ENOX2: variants seen among roughly 807,000 people sequenced by gnomAD.
ENOX2 encodes the protein ecto-NOX disulfide-thiol exchanger 2.
ENOX2 carries 36 observed loss-of-function variants against 45.0 expected under a neutral mutation model. The observed-to-expected ratio is 0.80, with a 90% CI of 0.61 to 1.06. The LOEUF (loss-of-function observed/expected upper bound fraction) is 1.06. Among genes scored for constraint, ENOX2 ranks in the 50% least tolerant of loss-of-function variants. The pLI, the probability that ENOX2 is intolerant of heterozygous loss-of-function variation, is 0.00. For synonymous variants in ENOX2, 174 were observed against 152.3 expected, an observed-to-expected ratio of 1.14 and a Z score of -1.05; for missense variants, 423 against 462.5, an observed-to-expected ratio of 0.91 and a Z score of 0.78.
intron 3 of ENOX2, among the ~76,000 whole-genome samples, chrX:130,714,311 C>T (rs1248312132): frequency 1.8e-5 from 2 of 112,044 alleles, no homozygotes; most frequent in Admixed American, 9.5e-5. Context: ...CGTTTACTCA[C>T]CATGTAGCAA....
chrX:130,872,278 TA>T lies in ENOX2; in HGVS notation c.-183+29405del, dbSNP rs199846823. Among the ~76,000 whole-genome samples the T allele has an allele frequency of 3.3e-4, 37 of 112,775 alleles. No individual in the cohort carries two copies. In the East Asian group the frequency reaches 9.5e-3, roughly 29 times the overall value. ...CTATAGGAACTTATTTAAGGTTGCT[TA>T]AAAAATTCTCATGGATGAAACAGTA... On this transcript the variant is annotated intron_variant, in intron 2 of 14. Coordinates refer to ENST00000394363, the MANE Select transcript of ENOX2 (RefSeq NM_006375.4).
intron 2 of ENOX2, among the ~76,000 whole-genome samples, chrX:130,834,189 A>G (rs2148490943): frequency 9.0e-6 from 1 of 111,446 alleles, no homozygotes; most frequent in Non-Finnish European, 1.9e-5. Context: ...AAGTTTCTAT[A>G]CTACTCCTAG....
At chrX:130,797,024 G>C (rs184604771) in intron 2 of ENOX2, among the ~76,000 whole-genome samples, 13 of 111,934 alleles carry the variant, frequency 1.2e-4, no homozygotes, top group Admixed American at 2.8e-4. Context: ...CAAAGTGATG[G>C]ATTGAGTTGA....
intron 3 of ENOX2, among the ~76,000 whole-genome samples, chrX:130,771,451 T>A (rs2039738420): frequency 9.0e-6 from 1 of 111,556 alleles, no homozygotes; most frequent in Non-Finnish European, 1.9e-5. Context: ...ATACCCTGCA[T>A]AGATAAGTGG....
chrX:130,781,858 G>A (rs1440904114), intron 3 of ENOX2, among the ~76,000 whole-genome samples: 3 of 111,037 alleles, frequency 2.7e-5, no homozygotes, highest in African/African-American at 9.8e-5. Flanking sequence ...GACGATGAGA[G>A]GAATAAAAAG....
chrX:130,739,599 C>A (rs1280480685), intron 3 of ENOX2, among the ~76,000 whole-genome samples: 1 of 112,180 alleles, frequency 8.9e-6, no homozygotes. Context: ...ACAACACATG[C>A]TGATAAATGT....
intron 6 of ENOX2, among the ~76,000 whole-genome samples, chrX:130,674,692 T>C (rs916249923): frequency 9.9e-4 from 109 of 109,687 alleles, no homozygotes; most frequent in Non-Finnish European, 1.8e-3. Context: ...TATGTATACA[T>C]GTGCCATGCT....
chrX:130,662,345 C>A (rs890031392), intron 9 of ENOX2, among the ~76,000 whole-genome samples: 1 of 112,233 alleles, frequency 8.9e-6, no homozygotes, highest in Non-Finnish European at 1.9e-5. Context: ...AGAGTAAGAC[C>A]GTGTTGGCTG....
At chrX:130,756,265 T>C (rs761023104) in intron 3 of ENOX2, among the ~76,000 whole-genome samples, 1 of 112,248 alleles carries the variant, frequency 8.9e-6, no homozygotes, top group Non-Finnish European at 1.9e-5. Flanking sequence ...TAGAGTGCCA[T>C]ATTTTTAAAA....
intron 2 of ENOX2, among the ~76,000 whole-genome samples, chrX:130,793,708 C>T (rs1051813575): frequency 9.0e-6 from 1 of 111,655 alleles, no homozygotes; most frequent in Non-Finnish European, 1.9e-5. Context: ...GTGAATTATT[C>T]GAGAAAAGTC....
At chrX:130,717,537 A>C (rs1345158284) in intron 3 of ENOX2, among the ~76,000 whole-genome samples, 1 of 112,105 alleles carries the variant, frequency 8.9e-6, no homozygotes, top group Non-Finnish European at 1.9e-5. Flanking sequence ...CTCATATGTC[A>C]CTGGGAGACA....
intron 3 of ENOX2, among the ~76,000 whole-genome samples, chrX:130,772,561 A>T (rs180984774): frequency 1.8e-5 from 2 of 111,978 alleles, no homozygotes; most frequent in African/African-American, 6.5e-5. Context: ...TGTTCATCTC[A>T]GAGAAAAAGC....
intron 3 of ENOX2, among the ~76,000 whole-genome samples, chrX:130,739,555 T>C (rs987526815): frequency 8.9e-6 from 1 of 112,735 alleles, no homozygotes; most frequent in African/African-American, 3.2e-5. Flanking sequence ...ATAGTAATTA[T>C]AATAGCCCAT....
intron 4 of ENOX2, among the ~76,000 whole-genome samples, chrX:130,701,895 C>T (rs1249706879): frequency 8.9e-6 from 1 of 112,141 alleles, no homozygotes; most frequent in Non-Finnish European, 1.9e-5. Flanking sequence ...TGAACTACAA[C>T]CTATGGTATG....
At chrX:130,742,827 C>T (rs2148318593) in intron 3 of ENOX2, among the ~76,000 whole-genome samples, 1 of 112,250 alleles carries the variant, frequency 8.9e-6, no homozygotes, top group African/African-American at 3.2e-5. Context: ...CTAGCCACTG[C>T]TGTACACTGT....
rs971351366 is a variant in ENOX2 at position 130,624,083 on chromosome X, C to T, written c.*1231G>A. ...ATTATTATAAATACCACAACCACCA[C>T]CACACACAATAAAGACCATCTCTGC... On this transcript the variant is annotated 3_prime_UTR_variant, in exon 15 of 15. Transcript: ENST00000394363. The T allele has an allele frequency of 1.8e-5, 2 of 110,708 alleles. No homozygotes were observed. Among genetic ancestry groups the T allele is most frequent in the African/African-American group, 6.6e-5 (2 of 30,441 alleles). The allele number at this position is 110,708 out of a possible 1,213,427, so 9.1% of individuals were successfully genotyped here.
At chrX:130,643,940 T>C (rs1001761184) in intron 10 of ENOX2, among the ~76,000 whole-genome samples, 1 of 111,756 alleles carries the variant, frequency 8.9e-6, no homozygotes, top group African/African-American at 3.2e-5. Flanking sequence ...TTATGGGCCA[T>C]AAAGCACACC....
At chrX:130,730,055 T>G (rs1331422894) in intron 3 of ENOX2, among the ~76,000 whole-genome samples, 1 of 112,204 alleles carries the variant, frequency 8.9e-6, no homozygotes, top group Non-Finnish European at 1.9e-5. Context: ...CCAACTATAG[T>G]CTCTGTTTCC....
At chrX:130,717,725 A>G (rs2038365098) in intron 3 of ENOX2, among the ~76,000 whole-genome samples, 1 of 112,193 alleles carries the variant, frequency 8.9e-6, no homozygotes, top group Non-Finnish European at 1.9e-5. Flanking sequence ...AGGAAAATTT[A>G]TAAGATACAA....
Sources: allele counts gnomAD v4.1 joint callset (sites outside exome capture counted in the v4.1 genomes callset), GRCh38; gene constraint gnomAD v4.1.1; transcripts MANE v1.5; gene names NCBI Gene and HGNC (gene_info 2026-07-23, HGNC 2026-07-21).